Variants in CEP290 observed in about 807,000 individuals in gnomAD.
The protein encoded by CEP290 is centrosomal protein 290, also known as centrosomal protein of 290 kDa.
CEP290 carries 317 observed loss-of-function variants against 344.9 expected under a neutral mutation model. The ratio of observed to expected loss-of-function variants is 0.92; its 90% CI spans 0.84 to 1.01. The LOEUF (loss-of-function observed/expected upper bound fraction) is 1.01, where lower values mean the gene tolerates loss of function less well. Ranked by LOEUF, CEP290 falls within the 50% of genes least tolerant of loss-of-function variation. The probability of loss-of-function intolerance (pLI) is 0.00; values close to 1 mark genes in which losing one functional copy is unlikely to be tolerated. For missense variants in CEP290, 2,754 were observed against 2,761.4 expected (o/e 1.00, Z 0.06); for synonymous variants, 932 against 895.8 (o/e 1.04, Z -0.72).
chr12:88,126,436 T>C lies in CEP290; in HGVS notation c.945A>G (p.Leu315=). The change falls in exon 12 of 54, where the codon CTA becomes CTG. Residue 315 remains leucine (L), a splice_region_variant and synonymous_variant. Coordinates refer to ENST00000552810, the MANE Select transcript of CEP290 (RefSeq NM_025114.4). The stretch of plus-strand genomic sequence containing the variant: ...TTTCATCATCTTTAGAAGACAAAAT[T>C]AGCTAGAAATAAACACAATAGAATC... ...AVNAKVEEWK[L]ILSSKDDEII... The C allele has an allele frequency of 6.7e-7, 1 of 1,488,244 alleles. No individual in the cohort carries two copies. 92.2% of individuals were successfully genotyped at this position (1,488,244 alleles called of 1,614,324 possible).
intron 3 of CEP290, 125 bp downstream of exon 3, chr12:88,140,831 A>T: frequency 1.6e-6 from 1 of 613,188 alleles, no homozygotes; most frequent in South Asian, 2.2e-5. Flanking sequence ...ATTTAAATAT[A>T]TTGCATTTTT....
intron 44 of CEP290, among the ~76,000 whole-genome samples, chr12:88,068,078 GAAAA>G (rs1011536168): frequency 2.0e-5 from 3 of 151,418 alleles, no homozygotes; most frequent in African/African-American, 7.3e-5. Context: ...AACATGGAAA[GAAAA>G]AAGAAACAAA....
chr12:88,054,557 T>C, intron 50 of CEP290, 144 bp from the exon 51 acceptor site: 1 of 629,338 alleles, frequency 1.6e-6, no homozygotes, highest in Non-Finnish European at 2.8e-6. Context: ...CTATTCACCA[T>C]TCATTCAACA....
At chr12:88,137,360 C>T (rs946676878) in intron 5 of CEP290, among the ~76,000 whole-genome samples, 12 of 152,174 alleles carry the variant, frequency 7.9e-5, no homozygotes, top group African/African-American at 2.4e-4. Flanking sequence ...ATATAAATAG[C>T]TACAAGTGGT....
intron 44 of CEP290, 123 bp downstream of exon 44, chr12:88,068,399 T>C: frequency 1.8e-6 from 1 of 557,974 alleles, no homozygotes; most frequent in Non-Finnish European, 2.8e-6. Context: ...AAAGTTGAAT[T>C]TACTGTATTA....
intron 11 of CEP290, 85 bp from the exon 12 acceptor site, chr12:88,126,523 G>A: frequency 1.1e-6 from 1 of 888,622 alleles, no homozygotes; most frequent in Non-Finnish European, 1.6e-6. Context: ...AACACCGTTA[G>A]TAGATTTATG....
intron 29 of CEP290, among the ~76,000 whole-genome samples, chr12:88,092,219 T>A (rs1175732205): frequency 6.6e-6 from 1 of 152,234 alleles, no homozygotes; most frequent in Non-Finnish European, 1.5e-5. Flanking sequence ...CCTTGCACCG[T>A]GACTAGTACA....
intron 26 of CEP290, among the ~76,000 whole-genome samples, chr12:88,102,126 G>T (rs2037935590): frequency 6.6e-6 from 1 of 152,130 alleles, no homozygotes. Context: ...TGAGGAAGAT[G>T]AACAAATCAG....
Position 88,087,866 on chromosome 12 carries a change from CTTT to C in CEP290, c.4105_4107del (p.Lys1369del). Reference sequence around the variant, plus strand: ...ATGTTATTCAAATATTTTATTTCTTCTTTATCCTTGACTAATTCCCGATTTAGT... The same window carrying C: ...ATGTTATTCAAATATTTTATTTCTTCATCCTTGACTAATTCCCGATTTAGT... On this transcript the variant is annotated inframe_deletion, in exon 32 of 54. Coordinates refer to ENST00000552810, the MANE Select transcript of CEP290 (RefSeq NM_025114.4). 3 of 1,252,546 alleles carry C rather than the reference CTTT, an allele frequency of 2.4e-6. No homozygotes were observed. Among genetic ancestry groups the C allele is most frequent in the African/African-American group, 1.6e-5 (1 of 63,884 alleles). 77.6% of individuals were successfully genotyped at this position (1,252,546 alleles called of 1,614,324 possible). A position where few individuals can be genotyped will look rare whatever the true frequency, so the allele number is the denominator to read the frequency against.
intron 26 of CEP290, among the ~76,000 whole-genome samples, chr12:88,098,280 G>A (rs1267312941): frequency 1.3e-5 from 2 of 148,738 alleles, no homozygotes; most frequent in African/African-American, 5.0e-5. Context: ...GCTCTAGCCT[G>A]GGCAACAGAG....
Position 88,084,053 on chromosome 12 carries a change from C to A in CEP290, c.4705-99G>T, listed in dbSNP as rs2036389700. 3 of 752,154 alleles carry A rather than the reference C, an allele frequency of 4.0e-6. No individual in the cohort carries two copies. The South Asian group carries it at 5.4e-5, about 14-fold the overall frequency. 46.6% of individuals were successfully genotyped at this position (752,154 alleles called of 1,614,324 possible). ...TTTTCTCTTCAATCTTCTAAAATTC[C>A]TTTGAGATGAGGAAGAAACAGTATC... is the stretch of plus-strand genomic sequence containing the variant. On this transcript the variant is annotated intron_variant, in intron 35 of 53. Transcript: ENST00000552810.
intron 25 of CEP290, among the ~76,000 whole-genome samples, chr12:88,104,783 T>C (rs1031074390): frequency 2.0e-5 from 3 of 152,086 alleles, no homozygotes; most frequent in Admixed American, 1.3e-4. Flanking sequence ...TTACTATTAA[T>C]ATCAATTCAA....
chr12:88,115,478 C>T, intron 18 of CEP290: 6 of 1,303,364 alleles, frequency 4.6e-6, no homozygotes, highest in Non-Finnish European at 6.0e-6. Flanking sequence ...TTTACACTAC[C>T]TGTTCTGCCT....
intron 43 of CEP290, among the ~76,000 whole-genome samples, chr12:88,070,804 T>C (rs2035315109): frequency 6.6e-6 from 1 of 152,094 alleles, no homozygotes; most frequent in East Asian, 1.9e-4. Context: ...AGGGACCCTA[T>C]AAAGTTGTTT....
At chr12:88,098,682 A>G (rs1029162972) in intron 26 of CEP290, among the ~76,000 whole-genome samples, 3 of 152,174 alleles carry the variant, frequency 2.0e-5, no homozygotes, top group South Asian at 2.1e-4. Context: ...AGAAAGGAAC[A>G]TTTAGATAGA....
chr12:88,111,617 T>C (rs1049388545), intron 21 of CEP290, 77 bp downstream of exon 21: 36 of 1,267,248 alleles, frequency 2.8e-5, no homozygotes, highest in Non-Finnish European at 3.7e-5. Context: ...AAAGCATTCT[T>C]TTTAAAAAAT....
At chr12:88,136,907 T>A in intron 5 of CEP290, 121 bp from the exon 6 acceptor site, 1 of 888,668 alleles carries the variant, frequency 1.1e-6, no homozygotes, top group Non-Finnish European at 1.7e-6. Context: ...TGCAGATATT[T>A]AAAATCATAT....
intron 6 of CEP290, among the ~76,000 whole-genome samples, chr12:88,133,632 C>T (rs1261928834): frequency 2.0e-5 from 3 of 152,120 alleles, no homozygotes; most frequent in African/African-American, 7.2e-5. Flanking sequence ...CGAGGAATTG[C>T]CACACTGTCT....
chr12:88,064,050 C>G lies in CEP290; in HGVS notation c.6201G>C (p.Lys2067Asn), dbSNP rs761488793. The G allele has an allele frequency of 3.1e-6, 5 of 1,593,158 alleles. No homozygotes were observed. Among genetic ancestry groups the G allele is most frequent in the Non-Finnish European group, 4.3e-6 (5 of 1,167,982 alleles). Residue 2067 changes from lysine (K) to asparagine (N), a missense_variant, in exon 45 of 54, where the codon AAG becomes AAC. By Grantham distance (94) the Lys-to-Asn change is moderately conservative (BLOSUM62 0). Transcript: ENST00000552810. ...REQELQKENLKLSSENIELKF... is the reference protein window; with the variant it reads ...REQELQKENLNLSSENIELKF... Reference sequence around the variant, plus strand: ...TCAGTTCAATATTTTCAGATGACAACTTCAAGTTTTCCTTCTGAAGCTCCT... The same window carrying G: ...TCAGTTCAATATTTTCAGATGACAAGTTCAAGTTTTCCTTCTGAAGCTCCT...
Sources: allele counts gnomAD v4.1 joint callset (sites outside exome capture counted in the v4.1 genomes callset), GRCh38; gene constraint gnomAD v4.1.1; transcripts MANE v1.5; gene names NCBI Gene and HGNC (gene_info 2026-07-23, HGNC 2026-07-21).